The following RHOBTB2 variants were observed in gnomAD, a reference collection of about 807,000 sequenced individuals.
RHOBTB2 encodes the protein Rho related BTB domain containing 2, also known as rho-related BTB domain-containing protein 2.
In RHOBTB2, 39 loss-of-function variants were observed where a neutral mutation model predicts 66.5. That is an observed-to-expected ratio of 0.59 (90% CI 0.45 to 0.77). The LOEUF is 0.77. Ranked by LOEUF, RHOBTB2 falls within the 30% of genes least tolerant of loss-of-function variation. RHOBTB2 has a pLI of 0.00. For missense variants in RHOBTB2, 755 were observed against 999.1 expected, an observed-to-expected ratio of 0.76 and a Z score of 3.29; for synonymous variants, 390 against 395.0, an observed-to-expected ratio of 0.99 and a Z score of 0.15.
intron 7 of RHOBTB2, among the ~76,000 whole-genome samples, chr8:23,011,537 A>G (rs1261161433): frequency 2.0e-5 from 3 of 152,244 alleles, no homozygotes; most frequent in African/African-American, 4.8e-5. Flanking sequence ...CTCAGCTTTT[A>G]GTGTGGACAA....
chr8:22,991,558 A>C (rs902934948), intron 1 of RHOBTB2, among the ~76,000 whole-genome samples: 2 of 152,186 alleles, frequency 1.3e-5, no homozygotes, highest in African/African-American at 2.4e-5. Context: ...AACTAGAAAA[A>C]GTCAGGGCCA....
rs748688208 is a variant in RHOBTB2 at position 23,008,025 on chromosome 8, A to G, written c.1534A>G (p.Ser512Gly). The G allele has an allele frequency of 1.2e-6, 2 of 1,613,864 alleles. No individual in the cohort carries two copies. Among genetic ancestry groups the G allele is most frequent in the South Asian group, 2.2e-5 (2 of 91,064 alleles). The part of the protein sequence containing the change: ...VTFILDDGTI[S>G]AHKPLLISSC... ...CTTCATCCTGGATGATGGCACCATC[A>G]GCGCCCACAAGCCCCTGTTGATTTC... Residue 512 changes from serine to glycine, a missense_variant, in exon 6 of 10, where the codon AGC (serine) becomes GGC (glycine). Ser to Gly is a moderately conservative substitution (Grantham distance 56, BLOSUM62 0). Coordinates refer to ENST00000251822, the MANE Select transcript of RHOBTB2 (RefSeq NM_015178.3).
Position 23,018,594 on chromosome 8 carries a change from A to T in RHOBTB2, c.*1125A>T, listed in dbSNP as rs1263191381. On this transcript the variant is annotated 3_prime_UTR_variant, in exon 10 of 10. Transcript: ENST00000251822. ...ACCCTGCCAGCTGGCTCCGAGGGCA[A>T]CACAGGGGCCTGGCCTCTAGAGGGC... is the stretch of plus-strand genomic sequence containing the variant. 1 of 152,336 alleles carries T rather than the reference A, an allele frequency of 6.6e-6. No homozygotes were observed. The highest frequency in any genetic ancestry group is 2.4e-5 in the African/African-American group (1 of 41,448). The allele number at this position is 152,336 out of a possible 1,614,324, so 9.4% of individuals were successfully genotyped here.
the RHOBTB2 span, among the ~76,000 whole-genome samples, chr8:22,969,253 C>CT: frequency 2.0e-5 from 3 of 152,120 alleles, no homozygotes; most frequent in Non-Finnish European, 4.4e-5. Context: ...TGGGGTAACC[C>CT]CCCCACCCCC....
chr8:22,996,252 T>C (rs1810553397), upstream of RHOBTB2, among the ~76,000 whole-genome samples: 1 of 151,720 alleles, frequency 6.6e-6, no homozygotes, highest in South Asian at 2.1e-4. Context: ...CAAGAGGGAT[T>C]TGGTGAGGGA....
At chr8:22,979,243 T>C in the RHOBTB2 span, among the ~76,000 whole-genome samples, 1 of 152,204 alleles carries the variant, frequency 6.6e-6, no homozygotes, top group Non-Finnish European at 1.5e-5. Flanking sequence ...AATTAATTTG[T>C]TTATTATTTT....
chr8:23,005,859 C>A, intron 3 of RHOBTB2, 101 bp from the exon 4 acceptor site: 1 of 1,068,124 alleles, frequency 9.4e-7, no homozygotes, highest in Non-Finnish European at 1.4e-6. Context: ...GATACCTAAG[C>A]CAGGTGTGGG....
At chr8:22,977,174 C>T in the RHOBTB2 span, among the ~76,000 whole-genome samples, 1 of 152,178 alleles carries the variant, frequency 6.6e-6, no homozygotes, top group Non-Finnish European at 1.5e-5. Context: ...CAATGAAGAA[C>T]AAAAGCTTCC....
At chr8:23,007,946 C>T (rs1399827353) in intron 5 of RHOBTB2, 47 bp from the exon 6 acceptor site, 8 of 1,575,424 alleles carry the variant, frequency 5.1e-6, no homozygotes, top group South Asian at 1.1e-5. Context: ...GGGGCTTGTT[C>T]TCCCAGCTTC....
Position 23,006,156 on chromosome 8 carries a change from C to G in RHOBTB2, c.482+11C>G. On this transcript the variant is annotated intron_variant, in intron 4 of 9. Transcript: ENST00000251822. This position sits in a 1 kb window ranked among gnomAD's most constrained non-coding sequence, Gnocchi z 6.1. ...GCGACCCTTGGCTAGGTAGGAGGTG[C>G]TGGTACCAAGGAGACAGACATGGAT... 6.2e-7 allele frequency: 1 copy of G among 1,607,200 alleles called. No individual in the cohort carries two copies. The highest frequency in any genetic ancestry group is 8.5e-7 in the Non-Finnish European group (1 of 1,176,258).
At chr8:22,996,147 C>T (rs78201266), upstream of RHOBTB2, among the ~76,000 whole-genome samples, 7,937 of 152,136 alleles carry the variant, frequency 0.052, 666 homozygotes, top group African/African-American at 0.18. Flanking sequence ...ACAGCAGCCG[C>T]GTGATGGCCT....
At position 23,005,446 on chromosome 8, in the gene RHOBTB2, C is replaced by T; in HGVS notation, c.267C>T (p.His89=). The change falls in exon 3 of 10, where the codon CAC becomes CAT. Residue 89 remains histidine (H), a synonymous_variant. Coordinates refer to ENST00000251822, the MANE Select transcript of RHOBTB2 (RefSeq NM_015178.3). ...SLRLWDTFGD[H]HKDRRFAYGR... is the part of the protein sequence containing the mutation. ...GCCTCTGGGACACCTTTGGAGACCA[C>T]CACAAAGACCGTCGCTTTGCTTATG... 1.9e-6 allele frequency: 3 copies of T among 1,613,768 alleles called. No individual in the cohort carries two copies. Among genetic ancestry groups the T allele is most frequent in the Non-Finnish European group, 2.5e-6 (3 of 1,179,710 alleles).
upstream of RHOBTB2, among the ~76,000 whole-genome samples, chr8:22,986,613 T>G (rs1236433509): frequency 1.3e-5 from 2 of 152,072 alleles, no homozygotes; most frequent in African/African-American, 4.8e-5. Context: ...CAGAATTCTA[T>G]CCAGGGCCAA....
At chr8:22,976,311 A>G in the RHOBTB2 span, among the ~76,000 whole-genome samples, 3 of 152,196 alleles carry the variant, frequency 2.0e-5, no homozygotes. Context: ...TCACAGTTTG[A>G]AAACAGGCTG....
In RHOBTB2 at chr8:23,007,505, C is replaced by G. The variant is rs758168420; in HGVS notation, c.1260C>G (p.Ser420=). 1 of 1,614,206 alleles carries G rather than the reference C, an allele frequency of 6.2e-7. No homozygotes were observed. Among genetic ancestry groups the G allele is most frequent in the South Asian group, 1.1e-5 (1 of 91,084 alleles). The change falls in exon 5 of 10, where the codon TCC becomes TCG. Residue 420 remains serine, a synonymous_variant. Transcript: ENST00000251822. ...TGGTGGTGGTGAAGATGGACAGTTC[C>G]ATCCAGCCGGGGCCCTTCCGGGCTG... ...RLMVVVKMDS[S]IQPGPFRAVL...
chr8:22,986,140 TTCTCTCTC>T (rs58840002), upstream of RHOBTB2, among the ~76,000 whole-genome samples: 72 of 148,008 alleles, frequency 4.9e-4, no homozygotes, highest in East Asian at 3.6e-3. Flanking sequence ...GACGGTGGAC[TTCTCTCTC>T]TCTCTCTCTC....
the RHOBTB2 span, among the ~76,000 whole-genome samples, chr8:22,956,380 T>G: frequency 1.3e-5 from 2 of 152,198 alleles, no homozygotes; most frequent in Non-Finnish European, 2.9e-5. Flanking sequence ...CAGTTTCTTA[T>G]GAGAGGTTTA....
At chr8:23,010,812 G>A (rs1811125903) in intron 7 of RHOBTB2, 124 bp downstream of exon 7, 9 of 1,074,750 alleles carry the variant, frequency 8.4e-6, no homozygotes, top group Non-Finnish European at 1.1e-5. Flanking sequence ...AAGCGTACAT[G>A]AAATGGAATC....
the RHOBTB2 span, among the ~76,000 whole-genome samples, chr8:22,952,886 C>T: frequency 1.3e-5 from 2 of 151,936 alleles, no homozygotes; most frequent in Admixed American, 1.3e-4. Flanking sequence ...GCCTGGGCAA[C>T]AAGAGTGAAA....
Sources: gnomAD v4.1 joint callset for allele counts (sites outside exome capture counted in the v4.1 genomes callset) on GRCh38, gnomAD v4.1.1 for gene constraint, Gnocchi (gnomAD v3.1) non-coding constraint, MANE v1.5 for transcripts, NCBI Gene and HGNC (gene_info 2026-07-23, HGNC 2026-07-21) for gene names.